Variants in NRG1 observed in about 807,000 individuals in gnomAD.
NRG1 encodes pro-neuregulin-1, membrane-bound isoform.
NRG1 carries 18 observed loss-of-function variants against 63.8 expected under a neutral mutation model. The ratio of observed to expected loss-of-function variants is 0.28; its 90% CI spans 0.19 to 0.42. The LOEUF is 0.42. Ranked by LOEUF, NRG1 falls within the 10% of genes least tolerant of loss-of-function variation. The pLI is 1.00. For synonymous variants in NRG1, 302 were observed against 301.3 expected, an observed-to-expected ratio of 1.00 and a Z score of -0.02; for missense variants, 762 against 814.7, an observed-to-expected ratio of 0.94 and a Z score of 0.79.
intron 1 of NRG1, among the ~76,000 whole-genome samples, chr8:31,901,323 T>A (rs1832060171): frequency 6.6e-6 from 1 of 152,210 alleles, no homozygotes. Context: ...GGGTCATTGC[T>A]GAGGAAAACT....
exon 12 of NRG1, chr8:32,765,337 G>C (rs770804085): frequency 6.6e-6 from 1 of 152,078 alleles, no homozygotes; most frequent in Non-Finnish European, 1.5e-5. Flanking sequence ...TGTCTTCTTG[G>C]CTCAAAAAGA....
intron 1 of NRG1, among the ~76,000 whole-genome samples, chr8:32,362,115 A>G (rs1165011941): frequency 6.6e-6 from 1 of 152,184 alleles, no homozygotes; most frequent in Non-Finnish European, 1.5e-5. Flanking sequence ...GCTGGCATTA[A>G]TTTATTATGA....
chr8:31,704,558 C>T (rs931683198), intron 1 of NRG1, among the ~76,000 whole-genome samples: 5 of 151,940 alleles, frequency 3.3e-5, no homozygotes, highest in Non-Finnish European at 5.9e-5. Context: ...CAGGGCTGGG[C>T]GCGGTGGCTC....
chr8:32,524,235 C>A (rs2129508801), intron 1 of NRG1, among the ~76,000 whole-genome samples: 1 of 152,170 alleles, frequency 6.6e-6, no homozygotes, highest in Middle Eastern at 3.4e-3. Context: ...TGCAGTATGC[C>A]AGACCTTCTA....
chr8:32,311,171 T>G (rs1383384074), intron 1 of NRG1, among the ~76,000 whole-genome samples: 1 of 152,184 alleles, frequency 6.6e-6, no homozygotes, highest in Non-Finnish European at 1.5e-5. Context: ...CGTATTGGAT[T>G]ACTATTATGT....
chr8:32,312,119 A>G (rs908981474), intron 1 of NRG1, among the ~76,000 whole-genome samples: 7 of 146,492 alleles, frequency 4.8e-5, no homozygotes, highest in Non-Finnish European at 1.1e-4. Flanking sequence ...CTAGAACACG[A>G]TGAAGTGGAG....
chr8:31,755,629 T>C (rs1351871762), intron 1 of NRG1, among the ~76,000 whole-genome samples: 3 of 152,126 alleles, frequency 2.0e-5, no homozygotes, highest in Non-Finnish European at 4.4e-5. Flanking sequence ...CTCTGCTTCC[T>C]AGGGCTTTAT....
intron 1 of NRG1, among the ~76,000 whole-genome samples, chr8:31,999,632 T>C (rs773649836): frequency 5.9e-5 from 9 of 152,020 alleles, no homozygotes; most frequent in Non-Finnish European, 8.8e-5. Flanking sequence ...GAAATCTGCT[T>C]CAATTTATTC....
intron 1 of NRG1, among the ~76,000 whole-genome samples, chr8:32,143,338 A>G (rs1337013965): frequency 1.3e-5 from 2 of 152,170 alleles, no homozygotes; most frequent in Non-Finnish European, 2.9e-5. Context: ...GTCAATTAGA[A>G]CCAGAAATCT....
chr8:32,449,413 T>TA (rs79338341), intron 1 of NRG1, among the ~76,000 whole-genome samples: 33 of 142,124 alleles, frequency 2.3e-4, no homozygotes, highest in Admixed American at 4.2e-4. Flanking sequence ...CTCTCCAGCC[T>TA]AAAAAAAAAA....
At chr8:32,451,293 T>A (rs886837041) in intron 1 of NRG1, among the ~76,000 whole-genome samples, 7 of 152,126 alleles carry the variant, frequency 4.6e-5, no homozygotes, top group African/African-American at 1.4e-4. Context: ...CTTGTTATCC[T>A]CCCTCCTGCC....
intron 1 of NRG1, among the ~76,000 whole-genome samples, chr8:32,126,263 G>A (rs2131591707): frequency 6.6e-6 from 1 of 151,970 alleles, no homozygotes; most frequent in South Asian, 2.1e-4. Flanking sequence ...GACATAGTAT[G>A]ATAGAATGTG....
chr8:31,958,484 G>T (rs987611325), intron 1 of NRG1, among the ~76,000 whole-genome samples: 9 of 152,162 alleles, frequency 5.9e-5, no homozygotes, highest in African/African-American at 2.2e-4. Context: ...TGGCTGGGTT[G>T]TGGGGTACAA....
intron 1 of NRG1, among the ~76,000 whole-genome samples, chr8:32,104,274 A>G (rs1322388151): frequency 6.6e-6 from 1 of 152,238 alleles, no homozygotes; most frequent in Non-Finnish European, 1.5e-5. Context: ...TATCTAAACT[A>G]TCAAAACCTA....
At chr8:32,626,968 T>G (rs1464248482) in intron 5 of NRG1, among the ~76,000 whole-genome samples, 2 of 151,692 alleles carry the variant, frequency 1.3e-5, no homozygotes, top group Non-Finnish European at 2.9e-5. Context: ...TGCAGTGAGC[T>G]GAGATCGCAC....
rs1311518628 is a variant in NRG1, at chr8:31,828,700, A to T, written c.37+189269A>T. Among the ~76,000 whole-genome samples, 3 of 152,184 alleles carry T rather than the reference A, an allele frequency of 2.0e-5. No individual in the cohort carries two copies. In the East Asian group the frequency reaches 5.8e-4, roughly 29 times the overall value. On this transcript the variant is annotated intron_variant, in intron 1 of 10. Transcript: ENST00000519301. The stretch of plus-strand genomic sequence containing the variant: ...TCATCCCCTACGTTATATACCCATG[A>T]TATTTTCAACTTACCCCTTTCCTTT...
chr8:31,705,102 C>T (rs1027614308), intron 1 of NRG1, among the ~76,000 whole-genome samples: 7 of 152,070 alleles, frequency 4.6e-5, no homozygotes, highest in Admixed American at 1.3e-4. Flanking sequence ...GTGGCGCGAT[C>T]TCGGCTGACT....
chr8:31,762,006 C>T (rs772879376), intron 1 of NRG1, among the ~76,000 whole-genome samples: 7 of 152,140 alleles, frequency 4.6e-5, no homozygotes, highest in African/African-American at 9.7e-5. Flanking sequence ...GGCAGTTTAA[C>T]GTCTTTGACA....
intron 1 of NRG1, among the ~76,000 whole-genome samples, chr8:31,796,414 CTTTTTTTTTTTTTTTTT>C (rs1158508289): frequency 1.0e-3 from 44 of 43,376 alleles, no homozygotes; most frequent in Admixed American, 3.4e-3. Flanking sequence ...GGCGTATAAT[CTTTTTTTTTTTTTTTTT>C]TTTTTTTTTT....
Sources: gnomAD v4.1 joint callset for allele counts (sites outside exome capture counted in the v4.1 genomes callset) on GRCh38, gnomAD v4.1.1 for gene constraint, MANE v1.5 for transcripts, NCBI Gene and HGNC (gene_info 2026-07-23, HGNC 2026-07-21) for gene names.